Variants in B9D2 observed in about 807,000 individuals in gnomAD.
The protein encoded by B9D2 is B9 domain containing 2, also known as B9 domain-containing protein 2.
Under a neutral mutation model 19.2 loss-of-function variants are expected in B9D2, and 21 were observed. The ratio of observed to expected loss-of-function variants is 1.09; its 90% CI spans 0.78 to 1.58. B9D2 has a LOEUF of 1.58. Among genes scored for constraint, B9D2 ranks in the 40% most tolerant of loss-of-function variants. The pLI, the probability that B9D2 is intolerant of heterozygous loss-of-function variation, is 0.00. For synonymous variants in B9D2, 91 were observed against 100.6 expected, an observed-to-expected ratio of 0.90 and a Z score of 0.57; for missense variants, 221 against 244.3, an observed-to-expected ratio of 0.90 and a Z score of 0.64.
chr19:41,363,300 G>A, intron 2 of B9D2, 132 bp downstream of exon 2: 1 of 875,942 alleles, frequency 1.1e-6, no homozygotes, highest in East Asian at 2.6e-5. Flanking sequence ...TGGACAGGGT[G>A]TGGGCTGGGC....
chr19:41,361,473 C>G (rs2038401331), intron 2 of B9D2, among the ~76,000 whole-genome samples: 1 of 152,122 alleles, frequency 6.6e-6, no homozygotes, highest in Admixed American at 6.6e-5. Flanking sequence ...CAACTTCCAC[C>G]TCACTTACCT....
At chr19:41,363,351 G>T in intron 2 of B9D2, 81 bp downstream of exon 2, 1 of 1,383,722 alleles carries the variant, frequency 7.2e-7, no homozygotes, top group Non-Finnish European at 1.0e-6. Context: ...TTAAGAGTCT[G>T]CGTTAAGGGG....
chr19:41,364,008 G>C lies in B9D2; in HGVS notation c.-55C>G, dbSNP rs1438096738. ...GGAGAAAGCGGCAACCGGGGTTGTA[G>C]TTCATGGGCTTGACTGCTTCTTTTC... On this transcript the variant is annotated 5_prime_UTR_variant, in exon 1 of 4. Transcript: ENST00000243578. 2 of 202,768 alleles carry C rather than the reference G, an allele frequency of 9.9e-6. No homozygotes were observed. The highest frequency in any genetic ancestry group is 4.7e-5 in the African/African-American group (2 of 42,654). The allele number at this position is 202,768 out of a possible 1,614,324, so 12.6% of individuals were successfully genotyped here. A position where few individuals can be genotyped will look rare whatever the true frequency, so the allele number is the denominator to read the frequency against.
Position 41,359,075 on chromosome 19 carries a change from G to A in B9D2, c.89-1053C>T, listed in dbSNP as rs140472531. Among the ~76,000 whole-genome samples, 1,395 of 152,214 alleles carry A rather than the reference G, an allele frequency of 9.2e-3. 9 individuals are homozygous for A. Among genetic ancestry groups the A allele is most frequent in the Non-Finnish European group, 0.015 (998 of 67,992 alleles). On this transcript the variant is annotated intron_variant, in intron 2 of 3. Transcript: ENST00000243578. ...CACGAGAATCGCTGGAAAAGCTGCA[G>A]TGAGCCGAGATTGCACCACTGCACT...
At chr19:41,358,151 G>T in intron 2 of B9D2, 129 bp from the exon 3 acceptor site, 1 of 1,382,690 alleles carries the variant, frequency 7.2e-7, no homozygotes. Context: ...CTGGAACCAA[G>T]TATCTGGGTT....
chr19:41,358,868 C>T (rs2038357929), intron 2 of B9D2, among the ~76,000 whole-genome samples: 2 of 151,960 alleles, frequency 1.3e-5, no homozygotes, highest in South Asian at 2.1e-4. Flanking sequence ...TAAGGCTGAG[C>T]GCAGTGGCTC....
chr19:41,354,920 G>A lies in B9D2; in HGVS notation c.308C>T (p.Pro103Leu), dbSNP rs761918700. 3.7e-6 allele frequency: 6 copies of A among 1,613,200 alleles called. No individual in the cohort carries two copies. Among genetic ancestry groups the A allele is most frequent in the East Asian group, 2.2e-5 (1 of 44,874 alleles). The stretch of plus-strand genomic sequence containing the variant: ...GGGGCAGGCCAGCTGGTGGGTGCCC[G>A]GGCTACTGGGCACATGGCAAAATCC... ...GYGFCHVPSS[P>L]GTHQLACPTW... The change falls in exon 4 of 4, where the codon CCG becomes CTG. Residue 103 changes from proline to leucine, a missense_variant. Transcript: ENST00000243578.
chr19:41,357,375 C>T (rs1644213367), intron 3 of B9D2, among the ~76,000 whole-genome samples: 1 of 152,168 alleles, frequency 6.6e-6, no homozygotes, highest in African/African-American at 2.4e-5. Context: ...ACCAGGTAGA[C>T]GTTCTTTATA....
rs1047604351 is a variant in B9D2 at position 41,355,109 on chromosome 19, C to T, written c.215-96G>A. On this transcript the variant is annotated intron_variant, in intron 3 of 3. Coordinates refer to ENST00000243578, the MANE Select transcript of B9D2 (RefSeq NM_030578.4). ...TGATACTCACTGGAGACCCCAGGCC[C>T]AGTCTTTTCCTCTCTGGGTTTCTGT... The T allele has an allele frequency of 6.2e-5, 77 of 1,244,728 alleles. 1 individual carries two copies. The highest frequency in any genetic ancestry group is 5.4e-4 in the Middle Eastern group (2 of 3,738). The allele number at this position is 1,244,728 out of a possible 1,614,324, so 77.1% of individuals were successfully genotyped here. A position where few individuals can be genotyped will look rare whatever the true frequency, so the allele number is the denominator to read the frequency against.
intron 2 of B9D2, among the ~76,000 whole-genome samples, chr19:41,358,569 C>T (rs544212395): frequency 6.6e-6 from 1 of 152,098 alleles, no homozygotes; most frequent in Non-Finnish European, 1.5e-5. Flanking sequence ...GATAAGTCTT[C>T]AATATCATTT....
rs1171689587 is a variant in B9D2 at position 41,358,124 on chromosome 19, G to A, written c.89-102C>T. On this transcript the variant is annotated intron_variant, in intron 2 of 3. Coordinates refer to ENST00000243578, the MANE Select transcript of B9D2 (RefSeq NM_030578.4). The stretch of plus-strand genomic sequence containing the variant: ...TTCTCTGTGGCATCTACTGGTAGGG[G>A]TTACGAAGCATGGACTCTGGAACCA... 2.6e-6 allele frequency: 4 copies of A among 1,525,582 alleles called. No individual in the cohort carries two copies. The East Asian group carries it at 6.9e-5, about 26-fold the overall frequency. The allele number at this position is 1,525,582 out of a possible 1,614,324, so 94.5% of individuals were successfully genotyped here.
At chr19:41,356,291 G>A (rs563354034) in intron 3 of B9D2, among the ~76,000 whole-genome samples, 1 of 152,276 alleles carries the variant, frequency 6.6e-6, no homozygotes, top group Admixed American at 6.5e-5. Context: ...TGTGAGAGAA[G>A]AACTTGGACA....
rs1039282309 is a variant in B9D2, at chr19:41,364,028, C to T, written c.-75G>A. On this transcript the variant is annotated 5_prime_UTR_variant, in exon 1 of 4. Coordinates refer to ENST00000243578, the MANE Select transcript of B9D2 (RefSeq NM_030578.4). ...TTGTAGTTCATGGGCTTGACTGCTTCTTTTCTCCGCGGGCGCCGACCAGGC... is the reference window on the plus strand; with the variant it reads ...TTGTAGTTCATGGGCTTGACTGCTTTTTTTCTCCGCGGGCGCCGACCAGGC... 3 of 176,650 alleles carry T rather than the reference C, an allele frequency of 1.7e-5. No homozygotes were observed. Among genetic ancestry groups the T allele is most frequent in the Non-Finnish European group, 3.7e-5 (3 of 80,544 alleles). 10.9% of individuals were successfully genotyped at this position (176,650 alleles called of 1,614,324 possible).
chr19:41,363,619 A>T (rs2038451871), intron 1 of B9D2, 96 bp from the exon 2 acceptor site: 2 of 1,119,946 alleles, frequency 1.8e-6, no homozygotes, highest in Non-Finnish European at 1.3e-6. Context: ...AAAGGGTAGT[A>T]CTAGGATTCC....
In B9D2 at chr19:41,354,869, C is replaced by T. The variant is rs374581827; in HGVS notation, c.359G>A (p.Arg120Gln). ...CPTWRPLGSW[R>Q]EQLARAFVGG... ...CACGAAAGCCCGTGCCAACTGTTCT[C>T]GCCAACTGCCCAGGGGCCGCCACGT... The change falls in exon 4 of 4, where the codon CGA becomes CAA. Residue 120 changes from arginine to glutamine, a missense_variant. Arg to Gln is a conservative substitution (Grantham distance 43, BLOSUM62 1). Coordinates refer to ENST00000243578, the MANE Select transcript of B9D2 (RefSeq NM_030578.4). The T allele has an allele frequency of 7.7e-5, 125 of 1,613,774 alleles. No individual in the cohort carries two copies. The highest frequency in any genetic ancestry group is 8.9e-5 in the East Asian group (4 of 44,898).
At chr19:41,363,555 T>C in intron 1 of B9D2, 32 bp from the exon 2 acceptor site, 2 of 1,587,014 alleles carry the variant, frequency 1.3e-6, no homozygotes, top group Non-Finnish European at 1.7e-6. Context: ...CACAACCCTG[T>C]GAGGTAAGTG....
chr19:41,363,918 T>C, intron 1 of B9D2, 40 bp downstream of exon 1: 5 of 403,012 alleles, frequency 1.2e-5, no homozygotes, highest in Non-Finnish European at 2.3e-5. Context: ...CAGGTCCGAC[T>C]TAACCCCGCC....
intron 2 of B9D2, 79 bp downstream of exon 2, chr19:41,363,353 G>T: frequency 1.4e-6 from 2 of 1,412,956 alleles, no homozygotes; most frequent in South Asian, 1.2e-5. Context: ...AAGAGTCTGC[G>T]TTAAGGGGTG....
intron 2 of B9D2, among the ~76,000 whole-genome samples, chr19:41,362,255 T>C (rs1346205750): frequency 1.4e-5 from 2 of 147,008 alleles, no homozygotes; most frequent in Non-Finnish European, 3.0e-5. Flanking sequence ...CCGGGCATGG[T>C]GGCGAGCGCC....
Sources: gnomAD v4.1 joint callset for allele counts (sites outside exome capture counted in the v4.1 genomes callset) on GRCh38, gnomAD v4.1.1 for gene constraint, MANE v1.5 for transcripts, NCBI Gene and HGNC (gene_info 2026-07-23, HGNC 2026-07-21) for gene names.